Variants in PGAP2 observed in about 807,000 individuals in gnomAD.
The protein encoded by PGAP2 is post-GPI attachment to proteins 2, also known as acyltransferase PGAP2.
A neutral mutation model predicts 33.2 loss-of-function variants in PGAP2; 21 were observed. The observed-to-expected ratio is 0.63, with a 90% CI of 0.45 to 0.91. The LOEUF is 0.91. Among genes scored for constraint, PGAP2 ranks in the 40% least tolerant of loss-of-function variants. PGAP2 has a pLI of 0.00. For synonymous variants in PGAP2, 161 were observed against 172.9 expected, an observed-to-expected ratio of 0.93 and a Z score of 0.54; for missense variants, 345 against 424.0, an observed-to-expected ratio of 0.81 and a Z score of 1.64.
At chr11:3,804,489 G>A (rs1250364621), upstream of PGAP2, among the ~76,000 whole-genome samples, 1 of 152,030 alleles carries the variant, frequency 6.6e-6, no homozygotes, top group African/African-American at 2.4e-5. Flanking sequence ...GGAGGCAGTG[G>A]CAGAGCTTGG....
chr11:3,816,104 G>A (rs1315297302), intron 2 of PGAP2: 2 of 152,578 alleles, frequency 1.3e-5, no homozygotes, highest in African/African-American at 4.8e-5. Flanking sequence ...TTGATCCTGG[G>A]AAGGATGTGT....
At chr11:3,815,980 A>G (rs1590284809) in intron 2 of PGAP2, among the ~76,000 whole-genome samples, 1 of 151,986 alleles carries the variant, frequency 6.6e-6, no homozygotes, top group South Asian at 2.1e-4. Flanking sequence ...CCTGGATACA[A>G]CTCTCAGGAA....
At chr11:3,821,055 A>ATATCTCAAGCTATGG (rs61038020) in intron 3 of PGAP2, among the ~76,000 whole-genome samples, 3,029 of 152,226 alleles carry the variant, frequency 0.02, 97 homozygotes, top group African/African-American at 0.07. Context: ...TCAAGCTATG[A>ATATCTCAAGCTATGG]TATCTCAAGC....
intron 1 of PGAP2, among the ~76,000 whole-genome samples, chr11:3,810,776 G>A (rs980370934): frequency 3.9e-5 from 6 of 152,186 alleles, no homozygotes; most frequent in African/African-American, 1.4e-4. Flanking sequence ...GTGCAGGAGG[G>A]CCCTGGGCCA....
In PGAP2 at chr11:3,808,661, G is replaced by T; in HGVS notation, c.-11+10G>T. 1.7e-6 allele frequency: 2 copies of T among 1,199,028 alleles called. No individual in the cohort carries two copies. Among genetic ancestry groups the T allele is most frequent in the African/African-American group, 1.6e-5 (1 of 61,802 alleles). 74.3% of individuals were successfully genotyped at this position (1,199,028 alleles called of 1,614,324 possible). A position where few individuals can be genotyped will look rare whatever the true frequency, so the allele number is the denominator to read the frequency against. The stretch of plus-strand genomic sequence containing the variant: ...CGCCACCACCGCGTGGGTGAGTATG[G>T]GCATGGATGTGCTGGGCTGCCGGGC... On this transcript the variant is annotated intron_variant, in intron 1 of 6. Transcript: ENST00000278243.
chr11:3,808,147 G>A, upstream of PGAP2: 1 of 1,447,716 alleles, frequency 6.9e-7, no homozygotes, highest in Non-Finnish European at 9.3e-7. Flanking sequence ...TTGGGGGAGG[G>A]GCGCCAGGGC....
In PGAP2 at chr11:3,801,564, C is replaced by T. The variant is rs190599949; in HGVS notation, c.139+3582C>T. On this transcript the variant is annotated intron_variant, in intron 1 of 6. Transcript: ENST00000300730. ...GGCTGAGGCAGGAGAATGGTGTGAA[C>T]CCAGGAGGCGGAGCTTGCAGTGAGC... Among the ~76,000 whole-genome samples, 9 of 146,302 alleles carry T rather than the reference C, an allele frequency of 6.2e-5. No individual in the cohort carries two copies. In the East Asian group the frequency reaches 1.5e-3, roughly 24 times the overall value.
At chr11:3,804,081 A>C (rs575431191), upstream of PGAP2, among the ~76,000 whole-genome samples, 7 of 152,124 alleles carry the variant, frequency 4.6e-5, no homozygotes, top group East Asian at 1.4e-3. Context: ...ATGAGCCACC[A>C]TGCCCAGCCC....
intron 1 of PGAP2, among the ~76,000 whole-genome samples, chr11:3,810,860 A>T (rs990256837): frequency 9.2e-5 from 14 of 152,140 alleles, no homozygotes; most frequent in Non-Finnish European, 5.9e-5. Context: ...GGCCTGGGGG[A>T]GGAGATGGGC....
chr11:3,825,247 ATGG>A (rs966522279), intron 6 of PGAP2, 78 bp from the exon 7 acceptor site: 31 of 1,563,676 alleles, frequency 2.0e-5, no homozygotes, highest in Non-Finnish European at 1.2e-5. Context: ...TGGCAGACCA[ATGG>A]TGGTGTGATT....
intron 2 of PGAP2, among the ~76,000 whole-genome samples, chr11:3,814,539 G>C (rs2086321052): frequency 1.3e-5 from 2 of 151,888 alleles, no homozygotes; most frequent in South Asian, 4.1e-4. Context: ...TTAAAGGCGT[G>C]AGCCACCATG....
intron 2 of PGAP2, among the ~76,000 whole-genome samples, chr11:3,815,979 A>T (rs190909494): frequency 3.9e-5 from 6 of 152,262 alleles, no homozygotes. Context: ...CCCTGGATAC[A>T]ACTCTCAGGA....
upstream of PGAP2, chr11:3,808,400 T>TG: frequency 6.5e-7 from 1 of 1,547,854 alleles, no homozygotes; most frequent in Admixed American, 2.0e-5. Context: ...CCGAAATTAG[T>TG]GGGGGCAGAC....
chr11:3,814,708 T>C (rs1275928909), intron 2 of PGAP2, among the ~76,000 whole-genome samples: 2 of 150,618 alleles, frequency 1.3e-5, no homozygotes, highest in African/African-American at 4.9e-5. Flanking sequence ...CCACTGTGCC[T>C]AGCCCAAGCT....
chr11:3,798,155 C>T lies in PGAP2; in HGVS notation c.139+173C>T, dbSNP rs1033902298. 25 of 1,417,424 alleles carry T rather than the reference C, an allele frequency of 1.8e-5. No individual in the cohort carries two copies. The Admixed American group carries it at 2.4e-4, about 14-fold the overall frequency. The allele number at this position is 1,417,424 out of a possible 1,614,324, so 87.8% of individuals were successfully genotyped here. On this transcript the variant is annotated intron_variant, in intron 1 of 6. Coordinates refer to the PGAP2 transcript ENST00000300730. ...CTTCTTCAGGGCCCTAAATCCTGAC[C>T]CTATTCTCTCCTGACCCATGCTCGC...
At chr11:3,824,912 T>G in intron 5 of PGAP2, 108 bp from the exon 6 acceptor site, 7 of 1,534,774 alleles carry the variant, frequency 4.6e-6, no homozygotes, top group Non-Finnish European at 6.1e-6. Context: ...TGACCGCTAG[T>G]GGGAGCCAAG....
upstream of PGAP2, chr11:3,797,806 C>T (rs959099545): frequency 2.7e-5 from 41 of 1,546,086 alleles, 1 homozygote; most frequent in African/African-American, 4.1e-4. Flanking sequence ...GGGAGCGTGT[C>T]GTGACGTCAC....
upstream of PGAP2, chr11:3,797,798 G>C: frequency 3.9e-6 from 6 of 1,544,296 alleles, no homozygotes; most frequent in Non-Finnish European, 5.2e-6. Context: ...CGGTTGGCGG[G>C]AGCGTGTCGT....
intron 3 of PGAP2, chr11:3,823,481 T>C: frequency 3.4e-6 from 3 of 880,388 alleles, no homozygotes; most frequent in Non-Finnish European, 5.3e-6. Flanking sequence ...GAAGCTCAGA[T>C]GGTCTGTGAC....
Sources: gnomAD v4.1 joint callset for allele counts (sites outside exome capture counted in the v4.1 genomes callset) on GRCh38, gnomAD v4.1.1 for gene constraint, MANE v1.5 for transcripts, NCBI Gene and HGNC (gene_info 2026-07-23, HGNC 2026-07-21) for gene names.